Variants in ELOVL6 observed in about 807,000 individuals in gnomAD.
ELOVL6 encodes very long chain fatty acid elongase 6.
In ELOVL6, 8 loss-of-function variants were observed where a neutral mutation model predicts 31.7. That is an observed-to-expected ratio of 0.25 (90% confidence interval 0.15 to 0.45). The LOEUF is 0.45. Ranked by LOEUF, ELOVL6 falls within the 20% of genes least tolerant of loss-of-function variation. The pLI, the probability that ELOVL6 is intolerant of heterozygous loss-of-function variation, is 1.00. For missense variants in ELOVL6, 126 were observed against 326.4 expected (o/e 0.39, Z 4.73); for synonymous variants, 101 against 117.7 (o/e 0.86, Z 0.92).
chr4:110,150,507 G>A (rs1372536693), intron 1 of ELOVL6, among the ~76,000 whole-genome samples: 8 of 152,030 alleles, frequency 5.3e-5, no homozygotes, highest in Non-Finnish European at 1.2e-4. Flanking sequence ...TCTGTCAATG[G>A]CTAATTTCTG....
rs1290623237 is a variant in ELOVL6 at position 110,048,116 on chromosome 4, G to A, written c.*3222C>T. 1 of 152,154 alleles carries A rather than the reference G, an allele frequency of 6.6e-6. No homozygotes were observed. Among genetic ancestry groups the A allele is most frequent in the Non-Finnish European group, 1.5e-5 (1 of 68,028 alleles). The allele number at this position is 152,154 out of a possible 1,614,324, so 9.4% of individuals were successfully genotyped here. On this transcript the variant is annotated 3_prime_UTR_variant, in exon 4 of 4. Coordinates refer to ENST00000302274, the MANE Select transcript of ELOVL6 (RefSeq NM_024090.3). ...TTCTTTTCCCTCTAGCAATGTACAT[G>A]TAAAGTATTCCCTCTTCTCCCCTTA...
intron 2 of ELOVL6, among the ~76,000 whole-genome samples, chr4:110,063,777 AAAAG>A (rs939456235): frequency 6.6e-6 from 1 of 151,866 alleles, no homozygotes; most frequent in Non-Finnish European, 1.5e-5. Flanking sequence ...ATAAAAGAAA[AAAAG>A]AAATATACCA....
At position 110,151,457 on chromosome 4, in the gene ELOVL6, T is replaced by G. The variant is rs181618780; in HGVS notation, c.90-45829A>C. On this transcript the variant is annotated intron_variant, in intron 1 of 3. Transcript: ENST00000302274. ...GGTGTCATGTTAGCACTCAAAAAGT[T>G]TCGGAGTTGAAGCATTTCTGATTTC... Among the ~76,000 whole-genome samples, 359 of 152,268 alleles carry G rather than the reference T, an allele frequency of 2.4e-3. 6 individuals are homozygous for G. Among genetic ancestry groups the G allele is most frequent in the Non-Finnish European group, 6.6e-4 (45 of 68,020 alleles).
intron 1 of ELOVL6, among the ~76,000 whole-genome samples, chr4:110,120,813 T>TTC: frequency 6.8e-6 from 1 of 146,376 alleles, no homozygotes; most frequent in East Asian, 2.0e-4. Flanking sequence ...TTTTTTTTTT[T>TTC]TTTTTGAAAC....
chr4:110,054,756 TTG>T (rs1480420491), intron 3 of ELOVL6, among the ~76,000 whole-genome samples: 1 of 152,090 alleles, frequency 6.6e-6, no homozygotes. Flanking sequence ...AAGAATGGCT[TTG>T]TGTTTCTCCT....
At chr4:110,052,497 GT>G (rs1754861420) in intron 3 of ELOVL6, among the ~76,000 whole-genome samples, 2 of 152,166 alleles carry the variant, frequency 1.3e-5, no homozygotes, top group South Asian at 4.1e-4. Context: ...GAAAATAACA[GT>G]TTTCATTTTA....
chr4:110,158,868 C>T (rs1758552338), intron 1 of ELOVL6, among the ~76,000 whole-genome samples: 1 of 151,652 alleles, frequency 6.6e-6, no homozygotes, highest in Admixed American at 6.6e-5. Flanking sequence ...GCCACGTTGG[C>T]CAGGCTAGTC....
chr4:110,198,567 C>T lies in ELOVL6; in HGVS notation c.-232G>A, dbSNP rs892099483. ...CCTCTCTCTGGGGCTCTCCTCCTCC[C>T]GGCGTCCGCATCCACCGTAGGAGGA... On this transcript the variant is annotated 5_prime_UTR_variant, in exon 1 of 4. Transcript: ENST00000302274. The T allele has an allele frequency of 8.4e-6, 4 of 475,680 alleles. No homozygotes were observed. The highest frequency in any genetic ancestry group is 4.0e-5 in the African/African-American group (2 of 49,820). 29.5% of individuals were successfully genotyped at this position (475,680 alleles called of 1,614,324 possible). A position where few individuals can be genotyped will look rare whatever the true frequency, so the allele number is the denominator to read the frequency against.
At chr4:110,070,300 T>A (rs1755431478) in intron 2 of ELOVL6, among the ~76,000 whole-genome samples, 1 of 152,098 alleles carries the variant, frequency 6.6e-6, no homozygotes, top group Non-Finnish European at 1.5e-5. Context: ...GAGCAGAAAA[T>A]TAAAATGATG....
chr4:110,159,915 G>A (rs998785207), intron 1 of ELOVL6, among the ~76,000 whole-genome samples: 2 of 152,056 alleles, frequency 1.3e-5, no homozygotes, highest in African/African-American at 4.8e-5. Flanking sequence ...TCTACTGAAA[G>A]AAATGGCTAA....
rs146950632 is a variant in ELOVL6, at chr4:110,066,532, G to A, written c.222-6778C>T. 1.6e-4 allele frequency among the ~76,000 whole-genome samples: 24 copies of A among 150,976 alleles called. No individual in the cohort carries two copies. In the East Asian group the frequency reaches 3.9e-3, roughly 25 times the overall value. On this transcript the variant is annotated intron_variant, in intron 2 of 3. Transcript: ENST00000302274. The stretch of plus-strand genomic sequence containing the variant: ...CAGGCGCCTGTGGTCCCAGCTACTC[G>A]GGAGGCTGAGACAGGAGAATCACGT...
chr4:110,141,468 C>T (rs1757954048), intron 1 of ELOVL6, among the ~76,000 whole-genome samples: 1 of 151,872 alleles, frequency 6.6e-6, no homozygotes, highest in Non-Finnish European at 1.5e-5. Flanking sequence ...ACAGTAGTTC[C>T]CTGGGACCAC....
In ELOVL6 at chr4:110,048,327, G is replaced by C. The variant is rs973855661; in HGVS notation, c.*3011C>G. The C allele has an allele frequency of 2.0e-5, 3 of 152,184 alleles. No individual in the cohort carries two copies. The highest frequency in any genetic ancestry group is 7.2e-5 in the African/African-American group (3 of 41,438). 9.4% of individuals were successfully genotyped at this position (152,184 alleles called of 1,614,324 possible). A position where few individuals can be genotyped will look rare whatever the true frequency, so the allele number is the denominator to read the frequency against. On this transcript the variant is annotated 3_prime_UTR_variant, in exon 4 of 4. Coordinates refer to ENST00000302274, the MANE Select transcript of ELOVL6 (RefSeq NM_024090.3). ...TTTATGAATAGAGCATTTCTCACTA[G>C]AACTTCATTGCAAACTCATGGACTT...
chr4:110,107,302 G>T (rs1336271769), intron 1 of ELOVL6, among the ~76,000 whole-genome samples: 5 of 152,114 alleles, frequency 3.3e-5, no homozygotes, highest in African/African-American at 1.2e-4. Flanking sequence ...CTTCTCTTGG[G>T]CCCACAAGAC....
chr4:110,074,412 G>T (rs897153975), intron 2 of ELOVL6, among the ~76,000 whole-genome samples: 1 of 152,190 alleles, frequency 6.6e-6, no homozygotes, highest in Non-Finnish European at 1.5e-5. Flanking sequence ...ATTTCAGCCA[G>T]GGGAGGGTCA....
At chr4:110,169,537 C>T (rs1331254304) in intron 1 of ELOVL6, among the ~76,000 whole-genome samples, 1 of 152,070 alleles carries the variant, frequency 6.6e-6, no homozygotes, top group East Asian at 1.9e-4. Context: ...GCCACCATGC[C>T]TGGCCAGCCC....
At chr4:110,160,664 C>T (rs1758606528) in intron 1 of ELOVL6, among the ~76,000 whole-genome samples, 1 of 152,136 alleles carries the variant, frequency 6.6e-6, no homozygotes. Context: ...ATGCATGTTG[C>T]CCATATGTTG....
At chr4:110,146,167 T>C (rs1758104904) in intron 1 of ELOVL6, among the ~76,000 whole-genome samples, 1 of 152,056 alleles carries the variant, frequency 6.6e-6, no homozygotes, top group Non-Finnish European at 1.5e-5. Flanking sequence ...ATGGACAGAA[T>C]AGAGAACCCA....
chr4:110,159,020 TCTTA>T (rs1758556405), intron 1 of ELOVL6, among the ~76,000 whole-genome samples: 2 of 152,100 alleles, frequency 1.3e-5, no homozygotes, highest in South Asian at 4.1e-4. Flanking sequence ...GAATCTCAGC[TCTTA>T]CTTTGCATAG....
Sources: allele counts gnomAD v4.1 joint callset (sites outside exome capture counted in the v4.1 genomes callset), GRCh38; gene constraint gnomAD v4.1.1; transcripts MANE v1.5; gene names NCBI Gene and HGNC (gene_info 2026-07-23, HGNC 2026-07-21).